Variants in TRPM3 observed in about 807,000 individuals in gnomAD.
TRPM3 encodes long transient receptor potential channel 3.
Under a neutral mutation model 181.2 loss-of-function variants are expected in TRPM3, and 77 were observed. That is an observed-to-expected ratio of 0.42 (90% CI 0.35 to 0.51). The LOEUF is 0.51. Ranked by LOEUF, TRPM3 falls within the 20% of genes least tolerant of loss-of-function variation. The pLI, the probability that TRPM3 is intolerant of heterozygous loss-of-function variation, is 0.01. For synonymous variants in TRPM3, 745 were observed against 796.4 expected (o/e 0.94, Z 1.09); for missense variants, 1,759 against 2,196.7 (o/e 0.80, Z 3.98).
intron 3 of TRPM3, among the ~76,000 whole-genome samples, chr9:70,859,853 A>G (rs934067083): frequency 2.0e-5 from 3 of 152,172 alleles, no homozygotes; most frequent in Non-Finnish European, 4.4e-5. Context: ...GTGAGTGGAT[A>G]CAGGAGGTTG....
intron 1 of TRPM3, among the ~76,000 whole-genome samples, chr9:71,201,316 T>C (rs2078776415): frequency 6.6e-6 from 1 of 152,162 alleles, no homozygotes; most frequent in African/African-American, 2.4e-5. Flanking sequence ...ATTTTTTCCT[T>C]CATTTCAACT....
intron 1 of TRPM3, chr9:70,917,552 AAC>A: frequency 1.7e-6 from 1 of 600,986 alleles, no homozygotes; most frequent in Non-Finnish European, 3.1e-6. Flanking sequence ...TCTTTACGCA[AAC>A]AGTGTTAAGT....
In TRPM3 at chr9:70,925,531, GA is replaced by G. The variant is rs530735281; in HGVS notation, c.178-61021del. Among the ~76,000 whole-genome samples the G allele has an allele frequency of 2.2e-4, 33 of 150,786 alleles. No individual in the cohort carries two copies. The East Asian group carries it at 5.2e-3, about 24-fold the overall frequency. On this transcript the variant is annotated intron_variant, in intron 1 of 25. Transcript: ENST00000677713. ...ATGGAACAAATGTTGGTAGAATATGGAAAAAAATATATATATATATCCTCCT... is the reference window on the plus strand; with the variant it reads ...ATGGAACAAATGTTGGTAGAATATGGAAAAAATATATATATATATCCTCCT...
intron 1 of TRPM3, among the ~76,000 whole-genome samples, chr9:71,130,161 A>G (rs1415896049): frequency 1.3e-5 from 2 of 152,188 alleles, no homozygotes; most frequent in Non-Finnish European, 2.9e-5. Context: ...TACTCAACCA[A>G]GTTTACACTG....
chr9:71,339,566 G>C (rs989027640), intron 1 of TRPM3, among the ~76,000 whole-genome samples: 3 of 152,038 alleles, frequency 2.0e-5, no homozygotes, highest in African/African-American at 7.2e-5. Flanking sequence ...GAACTGCTGG[G>C]TCAAAGACAC....
At chr9:71,279,750 T>C (rs1301113048) in intron 1 of TRPM3, among the ~76,000 whole-genome samples, 1 of 152,122 alleles carries the variant, frequency 6.6e-6, no homozygotes, top group African/African-American at 2.4e-5. Context: ...TGCTGACTGA[T>C]GTTTTTTCAA....
At chr9:71,423,282 T>G (rs74851760) in intron 1 of TRPM3, among the ~76,000 whole-genome samples, 5,705 of 152,148 alleles carry the variant, frequency 0.037, 352 homozygotes, top group African/African-American at 0.13. Context: ...AGTTAGAAAT[T>G]CCTTAAATAA....
rs965646611 is a variant in TRPM3, at chr9:70,846,412, A to C, written c.642T>G (p.Thr214=). 1 of 1,614,144 alleles carries C rather than the reference A, an allele frequency of 6.2e-7. No homozygotes were observed. The highest frequency in any genetic ancestry group is 1.7e-5 in the Admixed American group (1 of 60,014). ...GKGLIKAAMT[T]GAWIFTGGVN... ...CCCCTCCAGTGAATATCCACGCTCC[A>C]GTTGTCATTGCTGCTTTGATGAGCC... Residue 214 remains threonine, a synonymous_variant, in exon 4 of 26, where the codon ACT becomes ACG. Transcript: ENST00000677713.
intron 22 of TRPM3, among the ~76,000 whole-genome samples, chr9:70,580,451 A>C (rs182867847): frequency 2.0e-5 from 3 of 152,272 alleles, no homozygotes; most frequent in Admixed American, 6.5e-5. Flanking sequence ...AATGCATAGA[A>C]TCCAATAAGG....
intron 8 of TRPM3, among the ~76,000 whole-genome samples, chr9:70,745,910 A>G (rs894019387): frequency 6.6e-6 from 1 of 152,190 alleles, no homozygotes; most frequent in African/African-American, 2.4e-5. Flanking sequence ...AAGACTGGAT[A>G]AAATATGAGA....
chr9:71,207,209 A>G (rs1180709092), intron 1 of TRPM3, among the ~76,000 whole-genome samples: 3 of 152,176 alleles, frequency 2.0e-5, no homozygotes, highest in Non-Finnish European at 2.9e-5. Flanking sequence ...AAGACACCAT[A>G]AAAACACCAT....
intron 22 of TRPM3, among the ~76,000 whole-genome samples, chr9:70,564,631 C>T (rs2050066699): frequency 1.3e-5 from 2 of 152,296 alleles, no homozygotes; most frequent in South Asian, 4.1e-4. Flanking sequence ...AACCAGCAAC[C>T]TCATATCAGG....
rs3920788 is a variant in TRPM3 at position 70,813,934 on chromosome 9, A to G, written c.973+13913T>C. ...AATCAACACTAGTTGTTATTAACTT[A>G]TTTGTAAGACTAAGCTCTTCAAGTA... is the stretch of plus-strand genomic sequence containing the variant. On this transcript the variant is annotated intron_variant, in intron 6 of 25. Coordinates refer to ENST00000677713, the MANE Select transcript of TRPM3 (RefSeq NM_001366145.2). Among the ~76,000 whole-genome samples the G allele has an allele frequency of 6.5e-3, 991 of 152,330 alleles. 8 individuals are homozygous for G. The highest frequency in any genetic ancestry group is 0.011 in the South Asian group (51 of 4,828).
chr9:70,547,189 T>A (rs911574881), intron 25 of TRPM3, among the ~76,000 whole-genome samples: 2 of 152,188 alleles, frequency 1.3e-5, no homozygotes, highest in African/African-American at 4.8e-5. Flanking sequence ...TGGGGTTATC[T>A]AATATGAATG....
intron 1 of TRPM3, among the ~76,000 whole-genome samples, chr9:71,257,993 G>A (rs376680764): frequency 6.6e-6 from 1 of 152,156 alleles, no homozygotes; most frequent in East Asian, 1.9e-4. Context: ...TACTCATTCA[G>A]TAAGTATTTA....
intron 6 of TRPM3, among the ~76,000 whole-genome samples, chr9:70,786,043 C>G (rs1588315859): frequency 1.3e-5 from 2 of 152,184 alleles, no homozygotes; most frequent in South Asian, 4.2e-4. Flanking sequence ...CTGTTTTGAC[C>G]CAGGAGCCCT....
At chr9:71,340,416 G>A (rs1174214015) in intron 1 of TRPM3, among the ~76,000 whole-genome samples, 1 of 151,990 alleles carries the variant, frequency 6.6e-6, no homozygotes, top group Non-Finnish European at 1.5e-5. Flanking sequence ...GTTGTGGGAG[G>A]GACACAGTGG....
At chr9:70,918,474 T>C (rs1455842050) in intron 1 of TRPM3, among the ~76,000 whole-genome samples, 3 of 152,140 alleles carry the variant, frequency 2.0e-5, no homozygotes, top group Non-Finnish European at 2.9e-5. Context: ...AGGAGGAATT[T>C]TGGGATCTAT....
chr9:70,613,021 G>A (rs997556031), intron 18 of TRPM3, among the ~76,000 whole-genome samples: 6 of 152,196 alleles, frequency 3.9e-5, no homozygotes, highest in Non-Finnish European at 8.8e-5. Context: ...ATTAGGCAAA[G>A]TGGAGACATT....
Sources: gnomAD v4.1 joint callset for allele counts (sites outside exome capture counted in the v4.1 genomes callset) on GRCh38, gnomAD v4.1.1 for gene constraint, MANE v1.5 for transcripts, NCBI Gene and HGNC (gene_info 2026-07-23, HGNC 2026-07-21) for gene names.